Variants in VAV3 observed in about 807,000 individuals in gnomAD.
VAV3 encodes vav guanine nucleotide exchange factor 3.
In VAV3, 94 loss-of-function variants were observed where a neutral mutation model predicts 131.2. That is an observed-to-expected ratio of 0.72 (90% CI 0.61 to 0.85). VAV3 has a LOEUF of 0.85. Ranked by LOEUF, VAV3 falls within the 40% of genes least tolerant of loss-of-function variation. The pLI, the probability that VAV3 is intolerant of heterozygous loss-of-function variation, is 0.00. For missense variants in VAV3, 939 were observed against 1,002.7 expected, an observed-to-expected ratio of 0.94 and a Z score of 0.86; for synonymous variants, 349 against 342.0, an observed-to-expected ratio of 1.02 and a Z score of -0.22.
Position 107,964,925 on chromosome 1 carries a change from C to CGCCGCCGCCGCGGT in VAV3, c.-57_-56insACCGCGGCGGCGGC. 2.7e-6 allele frequency: 3 copies of CGCCGCCGCCGCGGT among 1,105,800 alleles called. No homozygotes were observed. Among genetic ancestry groups the CGCCGCCGCCGCGGT allele is most frequent in the Non-Finnish European group, 3.4e-6 (3 of 889,802 alleles). 68.5% of individuals were successfully genotyped at this position (1,105,800 alleles called of 1,614,324 possible). A position where few individuals can be genotyped will look rare whatever the true frequency, so the allele number is the denominator to read the frequency against. On this transcript the variant is annotated 5_prime_UTR_variant, in exon 1 of 27. Transcript: ENST00000370056. ...GGGCGGGCGGCAAGGATGCGGCCGC[C>CGCCGCCGCCGCGGT]GCCGCCGCCGCCGCGGTTCCTCCGC...
intron 20 of VAV3, 117 bp from the exon 21 acceptor site, chr1:107,617,749 T>TC: frequency 1.3e-6 from 1 of 792,244 alleles, no homozygotes; most frequent in Non-Finnish European, 2.0e-6. Context: ...ATGTGTTATA[T>TC]CCAGTCCTGA....
chr1:107,752,888 T>C (rs947669801), intron 12 of VAV3, among the ~76,000 whole-genome samples: 3 of 152,174 alleles, frequency 2.0e-5, no homozygotes, highest in Admixed American at 1.3e-4. Context: ...GAAAATGGTA[T>C]AGCAATTCTT....
chr1:107,888,437 T>C (rs1671145173), intron 1 of VAV3, among the ~76,000 whole-genome samples: 1 of 152,182 alleles, frequency 6.6e-6, no homozygotes, highest in South Asian at 2.1e-4. Context: ...GCAGGCTTCT[T>C]CTCTACCCTG....
chr1:107,703,216 CAAA>C (rs1381033054), intron 17 of VAV3, among the ~76,000 whole-genome samples: 2 of 152,046 alleles, frequency 1.3e-5, no homozygotes, highest in Non-Finnish European at 2.9e-5. Context: ...GATGGAACAA[CAAA>C]AATTCAAGTG....
At chr1:107,940,367 AC>A (rs139857601) in intron 1 of VAV3, among the ~76,000 whole-genome samples, 8,772 of 152,276 alleles carry the variant, frequency 0.058, 349 homozygotes, top group African/African-American at 0.11. Context: ...TGAAGTAGCT[AC>A]CACAACAAGC....
At chr1:107,742,741 T>C (rs1570877604) in intron 15 of VAV3, among the ~76,000 whole-genome samples, 1 of 152,286 alleles carries the variant, frequency 6.6e-6, no homozygotes, top group African/African-American at 2.4e-5. Flanking sequence ...CCTTATTCTT[T>C]AGGAGAAAAG....
chr1:107,777,435 A>G, intron 3 of VAV3, 139 bp from the exon 4 acceptor site: 2 of 756,522 alleles, frequency 2.6e-6, no homozygotes, highest in Non-Finnish European at 2.2e-6. Flanking sequence ...ATGTCTAACA[A>G]TATCTAGGGC....
At position 107,955,887 on chromosome 1, in the gene VAV3, T is replaced by C. The variant is rs368627898; in HGVS notation, c.204+8779A>G. Among the ~76,000 whole-genome samples, 149 of 152,316 alleles carry C rather than the reference T, an allele frequency of 9.8e-4. 1 individual carries two copies. Among genetic ancestry groups the C allele is most frequent in the African/African-American group, 3.4e-3 (140 of 41,570 alleles). On this transcript the variant is annotated intron_variant, in intron 1 of 26. Transcript: ENST00000370056. ...AAGGAGGTTGTCTGATCATCTGCCC[T>C]AGTAGCTCAGATCAAACCCTAGGCA...
intron 15 of VAV3, among the ~76,000 whole-genome samples, chr1:107,740,390 T>C (rs551728945): frequency 6.6e-6 from 1 of 152,324 alleles, no homozygotes; most frequent in African/African-American, 2.4e-5. Flanking sequence ...CCTGTCCTTT[T>C]CAATAAACCA....
chr1:107,952,281 G>A (rs1674577123), intron 1 of VAV3, among the ~76,000 whole-genome samples: 1 of 151,518 alleles, frequency 6.6e-6, no homozygotes, highest in Non-Finnish European at 1.5e-5. Context: ...GGCACACGGA[G>A]GGGAACCACA....
intron 15 of VAV3, among the ~76,000 whole-genome samples, chr1:107,729,044 C>T (rs892221937): frequency 2.6e-5 from 4 of 152,272 alleles, no homozygotes; most frequent in African/African-American, 9.6e-5. Context: ...TTGGAAAACT[C>T]TATTCAAGCC....
intron 21 of VAV3, among the ~76,000 whole-genome samples, chr1:107,610,606 C>T (rs1256685207): frequency 1.3e-5 from 2 of 152,018 alleles, no homozygotes; most frequent in African/African-American, 2.4e-5. Flanking sequence ...AGAAAAAAGG[C>T]ATGGAAAATA....
chr1:107,662,134 A>T (rs1167009563), intron 19 of VAV3, among the ~76,000 whole-genome samples: 3 of 152,216 alleles, frequency 2.0e-5, no homozygotes, highest in Non-Finnish European at 2.9e-5. Context: ...TGTTATTTTT[A>T]AAAAATGAAT....
At chr1:107,831,129 T>C (rs1668229903) in intron 2 of VAV3, among the ~76,000 whole-genome samples, 1 of 151,994 alleles carries the variant, frequency 6.6e-6, no homozygotes, top group South Asian at 2.1e-4. Context: ...GCTAAAACAG[T>C]AGGTAAATGA....
At chr1:107,603,617 GT>G (rs1291023538) in intron 22 of VAV3, among the ~76,000 whole-genome samples, 3 of 152,064 alleles carry the variant, frequency 2.0e-5, no homozygotes, top group East Asian at 3.9e-4. Flanking sequence ...ATTTTAAATA[GT>G]TTTTTGTTAT....
chr1:107,598,687 G>T (rs1443712324), intron 24 of VAV3, among the ~76,000 whole-genome samples: 1 of 152,000 alleles, frequency 6.6e-6, no homozygotes, highest in Non-Finnish European at 1.5e-5. Flanking sequence ...TTGTATTTTG[G>T]TGAATTTTAA....
intron 1 of VAV3, among the ~76,000 whole-genome samples, chr1:107,881,495 C>A (rs577945540): frequency 5.9e-5 from 9 of 152,096 alleles, no homozygotes; most frequent in Non-Finnish European, 8.8e-5. Context: ...ATAAAAACTC[C>A]CAGTAATTAG....
intron 21 of VAV3, among the ~76,000 whole-genome samples, chr1:107,615,001 TCATA>T (rs2101193423): frequency 6.6e-6 from 1 of 152,262 alleles, no homozygotes; most frequent in Non-Finnish European, 1.5e-5. Context: ...TGAATCTTGT[TCATA>T]CAAAGTCCAA....
At chr1:107,811,960 A>G (rs1242294096) in intron 2 of VAV3, among the ~76,000 whole-genome samples, 1 of 152,120 alleles carries the variant, frequency 6.6e-6, no homozygotes, top group East Asian at 1.9e-4. Flanking sequence ...CGCTCACATC[A>G]TTTTCTACAA....
Sources: gnomAD v4.1 joint callset for allele counts (sites outside exome capture counted in the v4.1 genomes callset) on GRCh38, gnomAD v4.1.1 for gene constraint, MANE v1.5 for transcripts, NCBI Gene and HGNC (gene_info 2026-07-23, HGNC 2026-07-21) for gene names.